Variants in CFAP100 observed in about 807,000 individuals in gnomAD.
CFAP100 encodes cilia- and flagella-associated protein 100.
A neutral mutation model predicts 81.5 loss-of-function variants in CFAP100; 70 were observed. The observed-to-expected ratio is 0.86, with a 90% CI of 0.71 to 1.05. The LOEUF is 1.05. Ranked by LOEUF, CFAP100 falls within the 50% of genes least tolerant of loss-of-function variation. The pLI is 0.00. For synonymous variants in CFAP100, 341 were observed against 314.8 expected (o/e 1.08, Z -0.88); for missense variants, 811 against 776.5 (o/e 1.04, Z -0.53).
At chr3:126,398,839 C>G (rs1412584639) in intron 2 of CFAP100, among the ~76,000 whole-genome samples, 1 of 152,240 alleles carries the variant, frequency 6.6e-6, no homozygotes, top group African/African-American at 2.4e-5. Flanking sequence ...GTGTCAGGCA[C>G]TGTGCTGGGC....
At chr3:126,401,266 T>C (rs1201458153) in intron 2 of CFAP100, among the ~76,000 whole-genome samples, 1 of 151,578 alleles carries the variant, frequency 6.6e-6, no homozygotes, top group Non-Finnish European at 1.5e-5. Context: ...GTGGTGGTTG[T>C]ACAACATTGT....
chr3:126,430,057 TAA>T (rs1933150714), intron 13 of CFAP100, among the ~76,000 whole-genome samples: 1 of 152,216 alleles, frequency 6.6e-6, no homozygotes, highest in Non-Finnish European at 1.5e-5. Flanking sequence ...TTGTACATGA[TAA>T]GTCACTTTTC....
intron 2 of CFAP100, among the ~76,000 whole-genome samples, chr3:126,400,661 A>G (rs2082961583): frequency 6.6e-6 from 1 of 152,194 alleles, no homozygotes; most frequent in African/African-American, 2.4e-5. Flanking sequence ...CTGAGGCAGG[A>G]GAATGGCGTG....
chr3:126,434,236 AC>A lies in CFAP100; in HGVS notation c.1486del (p.Gln496SerfsTer12). On this transcript the variant is annotated frameshift_variant, in exon 15 of 17. Coordinates refer to ENST00000352312, the MANE Select transcript of CFAP100 (RefSeq NM_182628.3). LOFTEE classifies it high-confidence loss of function. The part of the protein sequence containing the change: ...VLDVYRHCTG[T>X]QQEANLGTVQ... ...GGATGTGTACCGGCACTGCACCGGC[AC>A]CCAGCAGGAGGCCAACCTGGGCACC... 1 of 1,613,884 alleles carries A rather than the reference AC, an allele frequency of 6.2e-7. No homozygotes were observed. The highest frequency in any genetic ancestry group is 8.5e-7 in the Non-Finnish European group (1 of 1,179,984).
intron 2 of CFAP100, among the ~76,000 whole-genome samples, chr3:126,405,419 T>C (rs139191291): frequency 1.3e-5 from 2 of 152,310 alleles, no homozygotes; most frequent in East Asian, 3.9e-4. Flanking sequence ...TCCCAGCCCT[T>C]TGGGAGGCCA....
At chr3:126,398,362 G>C (rs2082921561) in intron 2 of CFAP100, among the ~76,000 whole-genome samples, 2 of 152,254 alleles carry the variant, frequency 1.3e-5, no homozygotes, top group South Asian at 4.1e-4. Context: ...TGTGGGTGTG[G>C]AGAGTTTGTT....
At chr3:126,409,260 T>C (rs573555532) in intron 3 of CFAP100, among the ~76,000 whole-genome samples, 2 of 152,318 alleles carry the variant, frequency 1.3e-5, no homozygotes, top group South Asian at 4.1e-4. Flanking sequence ...AATCGCACAC[T>C]GTCTATCCTT....
At chr3:126,413,528 T>C (rs896128154) in intron 3 of CFAP100, among the ~76,000 whole-genome samples, 10 of 152,154 alleles carry the variant, frequency 6.6e-5, no homozygotes, top group African/African-American at 2.4e-4. Context: ...AGTCAGTGTG[T>C]AGAATTAGGA....
chr3:126,435,271 G>C (rs1933400974), intron 15 of CFAP100, among the ~76,000 whole-genome samples: 1 of 151,730 alleles, frequency 6.6e-6, no homozygotes, highest in Non-Finnish European at 1.5e-5. Context: ...TGTGCCTCTG[G>C]GAGGGGTCTG....
intron 2 of CFAP100, among the ~76,000 whole-genome samples, chr3:126,402,916 C>T (rs1198558800): frequency 6.6e-6 from 1 of 151,692 alleles, no homozygotes; most frequent in Non-Finnish European, 1.5e-5. Context: ...GTGGCAGGGG[C>T]GGATGGGTCC....
At position 126,414,118 on chromosome 3, in the gene CFAP100, A is replaced by C; in HGVS notation, c.164A>C (p.His55Pro). Reference sequence around the variant, plus strand: ...CCTGACCCTTCAGCGAACCCTTTCCACTTATCTGGGGATGTGGATTTCTTC... The same window carrying C: ...CCTGACCCTTCAGCGAACCCTTTCCCCTTATCTGGGGATGTGGATTTCTTC... ...HGPDPSANPF[H>P]LSGDVDFFLL... Residue 55 changes from histidine to proline, a missense_variant, in exon 4 of 17, where the codon CAC becomes CCC. His to Pro is a moderately conservative substitution (Grantham distance 77). Coordinates refer to ENST00000352312, the MANE Select transcript of CFAP100 (RefSeq NM_182628.3). 6.2e-7 allele frequency: 1 copy of C among 1,613,814 alleles called. No homozygotes were observed. The highest frequency in any genetic ancestry group is 2.2e-5 in the East Asian group (1 of 44,858).
Position 126,416,513 on chromosome 3 carries a change from G to A in CFAP100, c.418+5G>A, listed in dbSNP as rs1170277487. On this transcript the variant is annotated splice_donor_5th_base_variant and intron_variant, in intron 5 of 16. Coordinates refer to ENST00000352312, the MANE Select transcript of CFAP100 (RefSeq NM_182628.3). Reference sequence around the variant, plus strand: ...GGAAGCTCACCTTGACCAAAGGTGCGTCCCCTCCGGCGCGGGGGGACCTGG... The same window carrying A: ...GGAAGCTCACCTTGACCAAAGGTGCATCCCCTCCGGCGCGGGGGGACCTGG... 3.2e-6 allele frequency: 5 copies of A among 1,566,522 alleles called. No homozygotes were observed. The highest frequency in any genetic ancestry group is 1.2e-5 in the South Asian group (1 of 86,348).
intron 15 of CFAP100, among the ~76,000 whole-genome samples, chr3:126,434,950 G>C (rs555615114): frequency 5.9e-5 from 9 of 152,098 alleles, no homozygotes; most frequent in Non-Finnish European, 1.2e-4. Flanking sequence ...GCTATCTGTC[G>C]GGACACCAGC....
At chr3:126,431,504 T>C (rs1219575235) in intron 13 of CFAP100, among the ~76,000 whole-genome samples, 1 of 152,150 alleles carries the variant, frequency 6.6e-6, no homozygotes, top group Non-Finnish European at 1.5e-5. Context: ...TCTCACTCTC[T>C]ATGGCTTTTC....
chr3:126,407,294 G>GTTGCCTCCT, intron 3 of CFAP100, 42 bp downstream of exon 3: 1 of 1,393,260 alleles, frequency 7.2e-7, no homozygotes, highest in Non-Finnish European at 1.0e-6. Flanking sequence ...GTTGGCAGGA[G>GTTGCCTCCT]GCAACTCCTC....
rs753981813 is a variant in CFAP100, at chr3:126,419,507, A to G, written c.732-130A>G. 3.7e-5 allele frequency: 30 copies of G among 806,022 alleles called. 1 individual carries two copies. Among genetic ancestry groups the G allele is most frequent in the Non-Finnish European group, 6.0e-5 (30 of 496,332 alleles). 49.9% of individuals were successfully genotyped at this position (806,022 alleles called of 1,614,324 possible). ...GTCTTCCAGCATGTGGCATTCCTGC[A>G]CCTTTTCTCAAGGAAAACAAGGAGC... On this transcript the variant is annotated intron_variant, in intron 8 of 16. Transcript: ENST00000352312.
chr3:126,413,092 C>A (rs534100439), intron 3 of CFAP100, among the ~76,000 whole-genome samples: 20 of 152,356 alleles, frequency 1.3e-4, no homozygotes, highest in African/African-American at 4.8e-4. Context: ...TAATTGAGGG[C>A]AAACACCTCT....
chr3:126,436,225 G>A (rs1181500615), intron 16 of CFAP100, 66 bp from the exon 17 acceptor site: 1 of 1,285,728 alleles, frequency 7.8e-7, no homozygotes, highest in Non-Finnish European at 1.1e-6. Context: ...CCTGCACCAG[G>A]GGCAGGGGTA....
At position 126,407,206 on chromosome 3, in the gene CFAP100, T is replaced by C. The variant is rs775037990; in HGVS notation, c.84T>C (p.Ser28=). ...TGGAATCCATGAACATCAGCTCTTC[T>C]TCAAGCACTGAAGAGAACCCAAAGA... ...NSLESMNISS[S]SSTEENPKKQ... Residue 28 remains serine, a synonymous_variant, in exon 3 of 17, where the codon TCT becomes TCC. Transcript: ENST00000352312. 1.2e-6 allele frequency: 2 copies of C among 1,614,006 alleles called. No individual in the cohort carries two copies. Among genetic ancestry groups the C allele is most frequent in the South Asian group, 1.1e-5 (1 of 91,066 alleles).
Sources: gnomAD v4.1 joint callset for allele counts (sites outside exome capture counted in the v4.1 genomes callset) on GRCh38, gnomAD v4.1.1 for gene constraint, MANE v1.5 for transcripts, NCBI Gene and HGNC (gene_info 2026-07-23, HGNC 2026-07-21) for gene names.